GRM7: variants seen among roughly 807,000 people sequenced by gnomAD.
The protein encoded by GRM7 is glutamate metabotropic receptor 7.
GRM7 carries 35 observed loss-of-function variants against 84.5 expected under a neutral mutation model. The observed-to-expected ratio is 0.41, with a 90% CI of 0.32 to 0.55. GRM7 has a LOEUF of 0.55. Ranked by LOEUF, GRM7 falls within the 20% of genes least tolerant of loss-of-function variation. The pLI is 0.19. For missense variants in GRM7, 1,003 were observed against 1,194.6 expected, an observed-to-expected ratio of 0.84 and a Z score of 2.36; for synonymous variants, 487 against 455.1, an observed-to-expected ratio of 1.07 and a Z score of -0.89.
chr3:7,315,922 G>C (rs1026945296), intron 4 of GRM7, among the ~76,000 whole-genome samples: 3 of 152,064 alleles, frequency 2.0e-5, no homozygotes, highest in African/African-American at 7.2e-5. Context: ...CCTGACAAGT[G>C]CTATAAAGTA....
At chr3:7,026,508 G>A (rs910916747) in intron 1 of GRM7, among the ~76,000 whole-genome samples, 1 of 152,162 alleles carries the variant, frequency 6.6e-6, no homozygotes, top group African/African-American at 2.4e-5. Flanking sequence ...TTTCTCTGCT[G>A]TGTTTGTAAG....
chr3:7,384,745 C>G (rs1014575230), intron 4 of GRM7, among the ~76,000 whole-genome samples: 1 of 152,126 alleles, frequency 6.6e-6, no homozygotes, highest in Non-Finnish European at 1.5e-5. Context: ...AAGTCGAATA[C>G]AGCAGGTGTA....
intron 7 of GRM7, chr3:7,559,220 C>T (rs574591232): frequency 6.7e-6 from 1 of 149,808 alleles, no homozygotes; most frequent in South Asian, 2.2e-4. Flanking sequence ...AAGACAGCTG[C>T]TTGGCTTCCC....
rs535972847 is a variant in GRM7, at chr3:7,056,687, CA to C, written c.520-89757del. 2.1e-4 allele frequency among the ~76,000 whole-genome samples: 32 copies of C among 151,370 alleles called. No individual in the cohort carries two copies. The South Asian group carries it at 4.6e-3, about 22-fold the overall frequency. ...ACCATCCTGATCATTATGAGGTCTC[CA>C]AAAAAAACTGTATGTTTGCCACATT... is the stretch of plus-strand genomic sequence containing the variant. On this transcript the variant is annotated intron_variant, in intron 1 of 9. Transcript: ENST00000357716.
At chr3:7,465,414 T>C (rs968189841) in intron 7 of GRM7, among the ~76,000 whole-genome samples, 1 of 152,092 alleles carries the variant, frequency 6.6e-6, no homozygotes, top group Non-Finnish European at 1.5e-5. Flanking sequence ...TGAATTGTGT[T>C]CAGGGGGATT....
At chr3:7,168,376 G>T (rs1466854064) in intron 2 of GRM7, among the ~76,000 whole-genome samples, 1 of 152,108 alleles carries the variant, frequency 6.6e-6, no homozygotes, top group Non-Finnish European at 1.5e-5. Flanking sequence ...GAGGCATTTG[G>T]AAGTTGATTA....
chr3:7,565,581 C>T (rs556294462), intron 7 of GRM7, among the ~76,000 whole-genome samples: 2 of 152,134 alleles, frequency 1.3e-5, no homozygotes, highest in East Asian at 1.9e-4. Context: ...CAGATAAATC[C>T]AGGAGAGTGA....
intron 1 of GRM7, among the ~76,000 whole-genome samples, chr3:6,899,261 A>T (rs1291010838): frequency 6.6e-6 from 1 of 152,138 alleles, no homozygotes; most frequent in Non-Finnish European, 1.5e-5. Flanking sequence ...CCAATTGATG[A>T]CTCATTAATG....
At chr3:7,563,992 A>G (rs1233181766) in intron 7 of GRM7, among the ~76,000 whole-genome samples, 2 of 152,202 alleles carry the variant, frequency 1.3e-5, no homozygotes, top group Non-Finnish European at 2.9e-5. Flanking sequence ...TAAGCCAGCC[A>G]TTATTATGAA....
intron 4 of GRM7, among the ~76,000 whole-genome samples, chr3:7,347,250 A>G (rs776495821): frequency 6.6e-6 from 1 of 152,134 alleles, no homozygotes; most frequent in Non-Finnish European, 1.5e-5. Context: ...GCTTAAAACT[A>G]TTTCAAGGCT....
At chr3:6,868,537 G>C (rs566397112) in intron 1 of GRM7, among the ~76,000 whole-genome samples, 1 of 152,178 alleles carries the variant, frequency 6.6e-6, no homozygotes, top group East Asian at 1.9e-4. Context: ...ATATACAGTA[G>C]ACTTTTCATT....
chr3:6,884,253 T>C (rs1405116499), intron 1 of GRM7: 2 of 152,652 alleles, frequency 1.3e-5, no homozygotes, highest in African/African-American at 4.8e-5. Flanking sequence ...CAGTGAGATG[T>C]TATCATGTTT....
intron 1 of GRM7, among the ~76,000 whole-genome samples, chr3:6,910,980 T>A (rs1160548301): frequency 1.3e-5 from 2 of 152,132 alleles, no homozygotes; most frequent in Non-Finnish European, 2.9e-5. Context: ...AGCACTGTAA[T>A]AGCAACTGCA....
chr3:7,504,282 GC>G (rs1559366773), intron 7 of GRM7, among the ~76,000 whole-genome samples: 1 of 152,114 alleles, frequency 6.6e-6, no homozygotes, highest in Non-Finnish European at 1.5e-5. Context: ...AAATTGCCAA[GC>G]TTTTTCCTGC....
At chr3:7,330,521 G>A (rs1701163608) in intron 4 of GRM7, among the ~76,000 whole-genome samples, 1 of 152,080 alleles carries the variant, frequency 6.6e-6, no homozygotes, top group Non-Finnish European at 1.5e-5. Flanking sequence ...CCCACATGTT[G>A]TGTGAGGGAC....
chr3:7,075,629 G>A (rs780263246), intron 1 of GRM7, among the ~76,000 whole-genome samples: 18 of 151,738 alleles, frequency 1.2e-4, no homozygotes, highest in South Asian at 2.1e-4. Context: ...GGGTTCAAGC[G>A]ATTCTTGTGC....
At chr3:7,131,198 C>T (rs879327320) in intron 1 of GRM7, among the ~76,000 whole-genome samples, 2 of 152,108 alleles carry the variant, frequency 1.3e-5, no homozygotes, top group African/African-American at 4.8e-5. Flanking sequence ...TTCTTATTAC[C>T]AAAGTGAGTA....
At chr3:7,504,089 G>A (rs550901861) in intron 7 of GRM7, among the ~76,000 whole-genome samples, 19 of 152,140 alleles carry the variant, frequency 1.2e-4, no homozygotes, top group African/African-American at 4.1e-4. Flanking sequence ...AGCCTCAAAT[G>A]TATGAAAAAA....
At chr3:7,217,301 C>A (rs1407240790) in intron 2 of GRM7, among the ~76,000 whole-genome samples, 1 of 152,134 alleles carries the variant, frequency 6.6e-6, no homozygotes, top group Non-Finnish European at 1.5e-5. Flanking sequence ...TACTGACTGA[C>A]CTAATTCCCA....
Sources: allele counts gnomAD v4.1 joint callset (sites outside exome capture counted in the v4.1 genomes callset), GRCh38; gene constraint gnomAD v4.1.1; transcripts MANE v1.5; gene names NCBI Gene and HGNC (gene_info 2026-07-23, HGNC 2026-07-21).